WNK1: variants seen among roughly 807,000 people sequenced by gnomAD.
The protein encoded by WNK1 is serine/threonine-protein kinase WNK1.
A neutral mutation model predicts 222.8 loss-of-function variants in WNK1; 38 were observed. The observed-to-expected ratio is 0.17, with a 90% CI of 0.13 to 0.22. WNK1 has a LOEUF of 0.22. Among genes scored for constraint, WNK1 ranks in the 10% least tolerant of loss-of-function variants. WNK1 has a pLI of 1.00. For synonymous variants in WNK1, 1,090 were observed against 1,092.9 expected, an observed-to-expected ratio of 1.00 and a Z score of 0.05; for missense variants, 2,348 against 2,918.4, an observed-to-expected ratio of 0.80 and a Z score of 4.50.
At chr12:861,412 T>C in intron 7 of WNK1, 69 bp downstream of exon 7, 1 of 1,472,754 alleles carries the variant, frequency 6.8e-7, no homozygotes, top group Non-Finnish European at 9.5e-7. Flanking sequence ...CTTCTTGTTA[T>C]TTTGCACTGG....
chr12:753,698 G>A lies in WNK1; in HGVS notation c.133G>A (p.Asp45Asn), dbSNP rs1204857945. 6.2e-7 allele frequency: 1 copy of A among 1,612,256 alleles called. No individual in the cohort carries two copies. Among genetic ancestry groups the A allele is most frequent in the African/African-American group, 1.3e-5 (1 of 75,032 alleles). ...GGAGAAACTGGGAGCCGCGGCCGCC[G>A]ACGCTGTGACCGGCAGGACCGAGGA... ...VGEKLGAAAADAVTGRTEEYR... is the reference protein window; with the variant it reads ...VGEKLGAAAANAVTGRTEEYR... Residue 45 changes from aspartate to asparagine, a missense_variant, in exon 1 of 28, where the codon GAC (aspartate) becomes AAC (asparagine). This residue lies in a region of WNK1 where 108 missense variants were observed against 109.7 expected (regional missense o/e 0.98). Transcript: ENST00000315939. This position sits in a 1 kb window ranked among gnomAD's most constrained non-coding sequence, Gnocchi z 5.2.
intron 4 of WNK1, among the ~76,000 whole-genome samples, chr12:852,011 T>C (rs1318164563): frequency 6.6e-6 from 1 of 152,130 alleles, no homozygotes; most frequent in Non-Finnish European, 1.5e-5. Context: ...GGGAAAAGTT[T>C]ACCTTTATTA....
chr12:810,251 A>AT (rs1448649135), intron 1 of WNK1, among the ~76,000 whole-genome samples: 1 of 152,110 alleles, frequency 6.6e-6, no homozygotes, highest in African/African-American at 2.4e-5. Flanking sequence ...CGTCTCAAAA[A>AT]AAAAAAAGGT....
At chr12:886,320 A>G (rs1304602062) in intron 19 of WNK1, among the ~76,000 whole-genome samples, 1 of 152,110 alleles carries the variant, frequency 6.6e-6, no homozygotes, top group Non-Finnish European at 1.5e-5. Flanking sequence ...CCAAGATGGT[A>G]TAATTATCGG....
rs1955279631 is a variant in WNK1 at position 901,768 on chromosome 12, G to A, written c.6643+1098G>A. The A allele has an allele frequency of 1.2e-5, 5 of 420,388 alleles. No homozygotes were observed. In the South Asian group the frequency reaches 1.3e-4, roughly 11 times the overall value. 26.0% of individuals were successfully genotyped at this position (420,388 alleles called of 1,614,324 possible). ...TGTATATCATCTACTCAGTGGCTTG[G>A]CTGAATTACTGTTACCCTCAGAAGT... On this transcript the variant is annotated intron_variant, in intron 26 of 27. Transcript: ENST00000315939.
At position 885,442 on chromosome 12, in the gene WNK1, A is replaced by G; in HGVS notation, c.4638A>G (p.Ala1546=). The G allele has an allele frequency of 1.2e-6, 2 of 1,613,882 alleles. No individual in the cohort carries two copies. The highest frequency in any genetic ancestry group is 1.7e-6 in the Non-Finnish European group (2 of 1,180,032). The part of the protein sequence containing the change: ...STTGLAFSLS[A]PSSSSSPGAG... ...CTGGATTGGCTTTCTCCCTCTCTGC[A>G]CCATCTTCCTCTTCCTCTCCTGGAG... Residue 1546 remains alanine (A), a synonymous_variant, in exon 19 of 28, where the codon GCA becomes GCG. Coordinates refer to ENST00000315939, the MANE Select transcript of WNK1 (RefSeq NM_018979.4).
intron 9 of WNK1, among the ~76,000 whole-genome samples, chr12:876,291 C>T (rs1323230545): frequency 6.6e-6 from 1 of 152,090 alleles, no homozygotes; most frequent in Non-Finnish European, 1.5e-5. Flanking sequence ...CGCCTGTAGT[C>T]CCAGCTGCTC....
chr12:783,358 C>T (rs1440547586), intron 1 of WNK1, among the ~76,000 whole-genome samples: 1 of 152,088 alleles, frequency 6.6e-6, no homozygotes, highest in East Asian at 1.9e-4. Context: ...TACTCAATAA[C>T]CATACTTGGG....
rs531783335 is a variant in WNK1 at position 877,249 on chromosome 12, G to A, written c.2224-963G>A. ...CGGCTAATTTTTTGCAATTTTAGTA[G>A]CGATGGGGTTTCTCCATGTTGGTCA... On this transcript the variant is annotated intron_variant, in intron 9 of 27. Transcript: ENST00000315939. 1.6e-3 allele frequency among the ~76,000 whole-genome samples: 245 copies of A among 152,110 alleles called. 1 individual carries two copies. Among genetic ancestry groups the A allele is most frequent in the Non-Finnish European group, 2.6e-3 (178 of 67,990 alleles).
intron 1 of WNK1, among the ~76,000 whole-genome samples, chr12:804,766 A>G (rs894724238): frequency 6.6e-6 from 1 of 151,842 alleles, no homozygotes; most frequent in Admixed American, 6.6e-5. Context: ...GTCTCTGTGA[A>G]TTTGCATATG....
chr12:815,753 AT>A (rs1306640382), intron 2 of WNK1, among the ~76,000 whole-genome samples: 1 of 152,210 alleles, frequency 6.6e-6, no homozygotes, highest in Non-Finnish European at 1.5e-5. Context: ...TTTGTCTGGC[AT>A]GCCTAAGATT....
intron 1 of WNK1, among the ~76,000 whole-genome samples, chr12:800,228 C>CA (rs1197027286): frequency 6.6e-6 from 1 of 152,022 alleles, no homozygotes; most frequent in African/African-American, 2.4e-5. Context: ...GAAGTCATAT[C>CA]AAAAAATCAC....
intron 4 of WNK1, among the ~76,000 whole-genome samples, chr12:842,446 G>A (rs1474827036): frequency 6.6e-6 from 1 of 152,120 alleles, no homozygotes; most frequent in Non-Finnish European, 1.5e-5. Flanking sequence ...TGAACAACTA[G>A]TTTAACTCTT....
chr12:897,400 G>A lies in WNK1; in HGVS notation c.6246-79G>A, dbSNP rs572782473. On this transcript the variant is annotated intron_variant, in intron 24 of 27. Transcript: ENST00000315939. ...GTAACTACTACATACTTGAAAGCAG[G>A]TTTAGGAATATGCTGTTAATTCTTG... is the stretch of plus-strand genomic sequence containing the variant. The A allele has an allele frequency of 2.9e-4, 278 of 944,606 alleles. 6 individuals carry two copies. The South Asian group carries it at 3.4e-3, about 12-fold the overall frequency. 58.5% of individuals were successfully genotyped at this position (944,606 alleles called of 1,614,324 possible). A position where few individuals can be genotyped will look rare whatever the true frequency, so the allele number is the denominator to read the frequency against.
chr12:876,523 A>G (rs547775730), intron 9 of WNK1, among the ~76,000 whole-genome samples: 1 of 152,374 alleles, frequency 6.6e-6, no homozygotes, highest in African/African-American at 2.4e-5. Context: ...AAATATAAGA[A>G]GAGCAAAAAT....
intron 1 of WNK1, among the ~76,000 whole-genome samples, chr12:776,296 C>A (rs1321394721): frequency 6.6e-6 from 1 of 151,934 alleles, no homozygotes; most frequent in Non-Finnish European, 1.5e-5. Context: ...AGCCTCCCAA[C>A]GTGCTGGGAT....
intron 4 of WNK1, among the ~76,000 whole-genome samples, chr12:834,307 C>G (rs1346562207): frequency 6.6e-6 from 1 of 152,102 alleles, no homozygotes; most frequent in Non-Finnish European, 1.5e-5. Context: ...CAGAGAGTTT[C>G]CGGTTGGTAA....
At position 887,236 on chromosome 12, in the gene WNK1, A is replaced by G. The variant is rs749123278; in HGVS notation, c.5296A>G (p.Thr1766Ala). 2 of 1,614,176 alleles carry G rather than the reference A, an allele frequency of 1.2e-6. No homozygotes were observed. Among genetic ancestry groups the G allele is most frequent in the South Asian group, 1.1e-5 (1 of 91,084 alleles). ...TTGTCTGTAGGTGCTGCCAGTGGGT[A>G]CTGAACTTCCAGCAGGTACTCTACC... is the stretch of plus-strand genomic sequence containing the variant. ...LTKAPVLPVG[T>A]ELPAGTLPSE... Residue 1766 changes from threonine to alanine, a missense_variant, in exon 20 of 28, where the codon ACT becomes GCT. Coordinates refer to ENST00000315939, the MANE Select transcript of WNK1 (RefSeq NM_018979.4).
chr12:787,949 A>G (rs1181413153), intron 1 of WNK1, among the ~76,000 whole-genome samples: 1 of 152,180 alleles, frequency 6.6e-6, no homozygotes, highest in Non-Finnish European at 1.5e-5. Flanking sequence ...TGTAATTTCA[A>G]GGAATTAGTT....
Sources: gnomAD v4.1 joint callset for allele counts (sites outside exome capture counted in the v4.1 genomes callset) on GRCh38, gnomAD v4.1.1 for gene constraint, gnomAD v4.1.1 regional missense constraint, Gnocchi (gnomAD v3.1) non-coding constraint, MANE v1.5 for transcripts, NCBI Gene and HGNC (gene_info 2026-07-23, HGNC 2026-07-21) for gene names.